PDE4D: variants seen among roughly 807,000 people sequenced by gnomAD.
PDE4D encodes 3',5'-cyclic-AMP phosphodiesterase 4D.
A neutral mutation model predicts 87.4 loss-of-function variants in PDE4D; 24 were observed. That is an observed-to-expected ratio of 0.27 (90% confidence interval 0.20 to 0.39). The LOEUF (loss-of-function observed/expected upper bound fraction) is 0.39. Ranked by LOEUF, PDE4D falls within the 10% of genes least tolerant of loss-of-function variation. The pLI is 1.00. For missense variants in PDE4D, 714 were observed against 1,041.0 expected, an observed-to-expected ratio of 0.69 and a Z score of 4.32; for synonymous variants, 384 against 383.2, an observed-to-expected ratio of 1.00 and a Z score of -0.02.
At chr5:59,629,789 T>C (rs904878594) in intron 1 of PDE4D, among the ~76,000 whole-genome samples, 3 of 152,196 alleles carry the variant, frequency 2.0e-5, no homozygotes, top group Non-Finnish European at 4.4e-5. Flanking sequence ...TGTGTCCATT[T>C]ATCAGATGAG....
At chr5:59,316,828 C>G (rs1265985074) in intron 1 of PDE4D, among the ~76,000 whole-genome samples, 1 of 152,182 alleles carries the variant, frequency 6.6e-6, no homozygotes, top group Non-Finnish European at 1.5e-5. Context: ...CACGGGACAC[C>G]TGCCTTCTTC....
At chr5:59,549,014 G>A (rs575477754) in intron 1 of PDE4D, among the ~76,000 whole-genome samples, 13 of 152,284 alleles carry the variant, frequency 8.5e-5, no homozygotes, top group African/African-American at 2.9e-4. Flanking sequence ...CGTAAAGGCT[G>A]TGAGGTGAAT....
intron 1 of PDE4D, among the ~76,000 whole-genome samples, chr5:60,206,436 C>T (rs551166020): frequency 6.6e-6 from 1 of 152,326 alleles, no homozygotes; most frequent in East Asian, 1.9e-4. Context: ...CAAAATTTCC[C>T]ATGCTTTGTT....
intron 1 of PDE4D, among the ~76,000 whole-genome samples, chr5:59,832,397 G>A (rs1321638175): frequency 2.0e-5 from 3 of 152,062 alleles, no homozygotes; most frequent in Non-Finnish European, 2.9e-5. Context: ...AAAATGAGTC[G>A]TGATCAAAAT....
chr5:59,994,742 G>C (rs539090383), intron 2 of PDE4D, among the ~76,000 whole-genome samples: 26 of 152,090 alleles, frequency 1.7e-4, no homozygotes, highest in Admixed American at 1.7e-3. Flanking sequence ...TGGGGTACAC[G>C]AGCCACAGAT....
At chr5:59,824,291 C>T (rs1466098933) in intron 1 of PDE4D, among the ~76,000 whole-genome samples, 2 of 152,158 alleles carry the variant, frequency 1.3e-5, no homozygotes, top group Non-Finnish European at 2.9e-5. Flanking sequence ...ATGTGAACGT[C>T]GCTCTTCTAG....
chr5:59,307,760 G>T (rs1451213997), intron 1 of PDE4D, among the ~76,000 whole-genome samples: 1 of 152,064 alleles, frequency 6.6e-6, no homozygotes, highest in African/African-American at 2.4e-5. Context: ...TACACTGTTG[G>T]TGGGACTGTC....
chr5:59,632,832 C>T (rs998201705), intron 1 of PDE4D, among the ~76,000 whole-genome samples: 18 of 152,068 alleles, frequency 1.2e-4, no homozygotes, highest in African/African-American at 2.9e-4. Flanking sequence ...TCTTCTTCTC[C>T]GAAGGATCAC....
At chr5:59,200,150 T>TACATGC (rs1581338197) in intron 2 of PDE4D, among the ~76,000 whole-genome samples, 14 of 127,552 alleles carry the variant, frequency 1.1e-4, no homozygotes, top group East Asian at 2.0e-4. Context: ...TGTACACGTA[T>TACATGC]ATGTATATAT....
intron 1 of PDE4D, among the ~76,000 whole-genome samples, chr5:59,283,262 T>C (rs1766197535): frequency 6.6e-6 from 1 of 152,198 alleles, no homozygotes; most frequent in South Asian, 2.1e-4. Flanking sequence ...TATATGTTAC[T>C]GCACTAGTAT....
At chr5:59,171,992 TTA>T (rs1166612250) in intron 5 of PDE4D, among the ~76,000 whole-genome samples, 3 of 74,318 alleles carry the variant, frequency 4.0e-5, no homozygotes, top group South Asian at 6.9e-4. Flanking sequence ...TAAATATATA[TTA>T]TATATATAAT....
chr5:59,313,322 T>C (rs143506148), intron 1 of PDE4D, among the ~76,000 whole-genome samples: 1 of 152,252 alleles, frequency 6.6e-6, no homozygotes, highest in African/African-American at 2.4e-5. Context: ...CTAATTACTA[T>C]TCTCCCACTA....
chr5:59,196,628 T>G (rs2153488818), intron 2 of PDE4D, among the ~76,000 whole-genome samples: 1 of 152,296 alleles, frequency 6.6e-6, no homozygotes, highest in African/African-American at 2.4e-5. Flanking sequence ...ACTTCAGCAT[T>G]TGACAAATTT....
chr5:59,812,257 A>G (rs907679373), intron 1 of PDE4D, among the ~76,000 whole-genome samples: 1 of 152,196 alleles, frequency 6.6e-6, no homozygotes, highest in Non-Finnish European at 1.5e-5. Context: ...ACCGCTTTCA[A>G]GGAGATGCTC....
In PDE4D at chr5:60,168,379, T is replaced by C. The variant is rs181794686; in HGVS notation, c.42+17178A>G. Among the ~76,000 whole-genome samples the C allele has an allele frequency of 5.3e-4, 81 of 152,354 alleles. 1 individual carries two copies. In the East Asian group the frequency reaches 0.014, roughly 26 times the overall value. ...TTCCAATTCCATAATCCCTGTTTTC[T>C]AATTCCTCACTGGAAATAAGTTATT... is the stretch of plus-strand genomic sequence containing the variant. On this transcript the variant is annotated intron_variant, in intron 2 of 16. Transcript: ENST00000502484.
intron 5 of PDE4D, 55 bp from the exon 6 acceptor site, chr5:59,039,026 T>C: frequency 6.5e-7 from 1 of 1,538,430 alleles, no homozygotes; most frequent in Non-Finnish European, 8.8e-7. Context: ...ACGGGTCCGC[T>C]AGCGAGTTCA....
At chr5:59,422,531 C>G (rs1794633823) in intron 1 of PDE4D, among the ~76,000 whole-genome samples, 1 of 152,188 alleles carries the variant, frequency 6.6e-6, no homozygotes, top group African/African-American at 2.4e-5. Context: ...AAGGTGATAA[C>G]AGAAGCTTTC....
At chr5:59,607,483 T>G (rs540617679) in intron 1 of PDE4D, among the ~76,000 whole-genome samples, 2 of 152,242 alleles carry the variant, frequency 1.3e-5, no homozygotes, top group African/African-American at 2.4e-5. Flanking sequence ...TGCTATTAAC[T>G]TGCTCTGGGG....
chr5:60,177,704 T>A (rs1784042118), intron 2 of PDE4D, among the ~76,000 whole-genome samples: 3 of 152,190 alleles, frequency 2.0e-5, no homozygotes, highest in Admixed American at 2.0e-4. Context: ...TACACAATCT[T>A]GAAAATACAT....
Sources: gnomAD v4.1 joint callset for allele counts (sites outside exome capture counted in the v4.1 genomes callset) on GRCh38, gnomAD v4.1.1 for gene constraint, MANE v1.5 for transcripts, NCBI Gene and HGNC (gene_info 2026-07-23, HGNC 2026-07-21) for gene names.